The following KIF3B variants were observed in gnomAD, a reference collection of about 807,000 sequenced individuals.
KIF3B encodes kinesin family member 3B.
Under a neutral mutation model 74.3 loss-of-function variants are expected in KIF3B, and 38 were observed. The ratio of observed to expected loss-of-function variants is 0.51; its 90% CI spans 0.39 to 0.67. KIF3B has a LOEUF of 0.67. Ranked by LOEUF, KIF3B falls within the 30% of genes least tolerant of loss-of-function variation. The pLI is 0.00. For missense variants in KIF3B, 649 were observed against 932.0 expected (o/e 0.70, Z 3.95); for synonymous variants, 326 against 342.5 (o/e 0.95, Z 0.53).
chr20:32,327,989 T>A (rs568963359), intron 7 of KIF3B, among the ~76,000 whole-genome samples: 1 of 151,748 alleles, frequency 6.6e-6, no homozygotes, highest in Non-Finnish European at 1.5e-5. Flanking sequence ...TAGTCCCAGC[T>A]ACTTGGGAGG....
chr20:32,297,585 A>G (rs1484934756), intron 1 of KIF3B, among the ~76,000 whole-genome samples: 3 of 152,164 alleles, frequency 2.0e-5, no homozygotes, highest in Non-Finnish European at 4.4e-5. Flanking sequence ...ATTTAAAAAG[A>G]TGGGCTAGTA....
At chr20:32,289,995 C>G (rs946992330) in intron 1 of KIF3B, among the ~76,000 whole-genome samples, 1 of 152,134 alleles carries the variant, frequency 6.6e-6, no homozygotes, top group Admixed American at 6.6e-5. Flanking sequence ...TGCCTGTCTT[C>G]TTCTAGTCCT....
chr20:32,308,242 A>G (rs535902966), intron 1 of KIF3B, among the ~76,000 whole-genome samples: 3 of 152,106 alleles, frequency 2.0e-5, no homozygotes, highest in Non-Finnish European at 4.4e-5. Context: ...TCTCAAATTA[A>G]AAAAAGGGTT....
In KIF3B at chr20:32,332,982, C is replaced by T. The variant is rs952932250; in HGVS notation, c.*1663C>T. The T allele has an allele frequency of 1.3e-5, 2 of 152,678 alleles. No homozygotes were observed. Among genetic ancestry groups the T allele is most frequent in the South Asian group, 2.1e-4 (1 of 4,830 alleles). 9.5% of individuals were successfully genotyped at this position (152,678 alleles called of 1,614,324 possible). A position where few individuals can be genotyped will look rare whatever the true frequency, so the allele number is the denominator to read the frequency against. On this transcript the variant is annotated 3_prime_UTR_variant, in exon 9 of 9. Coordinates refer to ENST00000375712, the MANE Select transcript of KIF3B (RefSeq NM_004798.4). ...TGAGTTATATTTTAACTCAGCTGCTCAGTTCCCAGGGCACATTTCTGGATC... is the reference window on the plus strand; with the variant it reads ...TGAGTTATATTTTAACTCAGCTGCTTAGTTCCCAGGGCACATTTCTGGATC...
At chr20:32,282,969 C>T (rs545152223) in intron 1 of KIF3B, among the ~76,000 whole-genome samples, 20 of 152,180 alleles carry the variant, frequency 1.3e-4, no homozygotes, top group Admixed American at 3.3e-4. Context: ...CAGGGTTGTA[C>T]ATTCAACATT....
chr20:32,320,988 A>G (rs2047857049), intron 5 of KIF3B, among the ~76,000 whole-genome samples: 1 of 152,052 alleles, frequency 6.6e-6, no homozygotes, highest in Non-Finnish European at 1.5e-5. Flanking sequence ...TAGGTCTTAC[A>G]TTTAGGTCTA....
At chr20:32,306,853 A>G (rs1359388080) in intron 1 of KIF3B, among the ~76,000 whole-genome samples, 1 of 151,950 alleles carries the variant, frequency 6.6e-6, no homozygotes, top group Non-Finnish European at 1.5e-5. Flanking sequence ...TCAGCCTCCC[A>G]AAGTGCTGGG....
rs2047936214 is a variant in KIF3B at position 32,332,733 on chromosome 20, C to A, written c.*1414C>A. ...TGTCCATATGTGTCTGTAAGAGAGA[C>A]AGAGACCAAGAACTTGCCCAATTTT... On this transcript the variant is annotated 3_prime_UTR_variant, in exon 9 of 9. Coordinates refer to ENST00000375712, the MANE Select transcript of KIF3B (RefSeq NM_004798.4). The A allele has an allele frequency of 6.6e-6, 1 of 152,316 alleles. No individual in the cohort carries two copies. The highest frequency in any genetic ancestry group is 1.5e-5 in the Non-Finnish European group (1 of 68,048). 9.4% of individuals were successfully genotyped at this position (152,316 alleles called of 1,614,324 possible). A position where few individuals can be genotyped will look rare whatever the true frequency, so the allele number is the denominator to read the frequency against.
intron 1 of KIF3B, among the ~76,000 whole-genome samples, chr20:32,297,829 C>T (rs951793374): frequency 7.9e-5 from 12 of 151,778 alleles, no homozygotes; most frequent in Non-Finnish European, 1.0e-4. Context: ...ATTGTTAGGC[C>T]GGGTGCTGTG....
At chr20:32,295,949 C>G (rs2047714940) in intron 1 of KIF3B, among the ~76,000 whole-genome samples, 1 of 146,674 alleles carries the variant, frequency 6.8e-6, no homozygotes, top group Admixed American at 7.0e-5. Context: ...ACTGCAACCT[C>G]TGCCTCCCGG....
intron 1 of KIF3B, among the ~76,000 whole-genome samples, chr20:32,284,151 C>G (rs2047656917): frequency 6.6e-6 from 1 of 151,156 alleles, no homozygotes; most frequent in Non-Finnish European, 1.5e-5. Flanking sequence ...ATGTTACAGG[C>G]TAGTCTCAAA....
intron 1 of KIF3B, among the ~76,000 whole-genome samples, chr20:32,289,569 A>T (rs1399026636): frequency 6.6e-6 from 1 of 152,186 alleles, no homozygotes; most frequent in African/African-American, 2.4e-5. Flanking sequence ...GATAAGCTAC[A>T]GTATTTAGCT....
intron 1 of KIF3B, among the ~76,000 whole-genome samples, chr20:32,291,608 G>A (rs1422773418): frequency 7.2e-6 from 1 of 139,518 alleles, no homozygotes; most frequent in African/African-American, 2.7e-5. Context: ...TTCCTTGATT[G>A]TCTTATACAT....
intron 5 of KIF3B, among the ~76,000 whole-genome samples, chr20:32,320,842 A>C (rs2047856436): frequency 6.6e-6 from 1 of 152,098 alleles, no homozygotes; most frequent in African/African-American, 2.4e-5. Context: ...TTATTTATCC[A>C]TTCATTATTT....
chr20:32,323,054 TTATATTTATATATATTTA>T (rs1569208472), intron 5 of KIF3B, among the ~76,000 whole-genome samples: 7 of 68,440 alleles, frequency 1.0e-4, no homozygotes, highest in African/African-American at 7.7e-4. Flanking sequence ...TTATATATAT[TTATATTTATATATATTTA>T]TATATTTATA....
At chr20:32,279,487 C>T (rs1246790194) in intron 1 of KIF3B, among the ~76,000 whole-genome samples, 3 of 144,900 alleles carry the variant, frequency 2.1e-5, no homozygotes, top group Non-Finnish European at 3.0e-5. Context: ...TTTTTTGAGA[C>T]GGAGTTTTGC....
intron 1 of KIF3B, among the ~76,000 whole-genome samples, chr20:32,284,671 C>T (rs1157808383): frequency 6.6e-6 from 1 of 152,088 alleles, no homozygotes; most frequent in Non-Finnish European, 1.5e-5. Context: ...AATAACAAGG[C>T]CCAGATCTAA....
At chr20:32,279,103 A>G (rs939834536) in intron 1 of KIF3B, among the ~76,000 whole-genome samples, 4 of 151,842 alleles carry the variant, frequency 2.6e-5, no homozygotes, top group Non-Finnish European at 4.4e-5. Context: ...TTGTAGTTTT[A>G]GTAGAGACAA....
chr20:32,311,133 C>T lies in KIF3B; in HGVS notation c.1356C>T (p.Asp452=), dbSNP rs770812382. The T allele has an allele frequency of 1.2e-6, 2 of 1,613,106 alleles. No individual in the cohort carries two copies. Among genetic ancestry groups the T allele is most frequent in the Non-Finnish European group, 1.7e-6 (2 of 1,179,722 alleles). ...LLKEKEKKME[D]LRREKDAAEM... is the part of the protein sequence containing the mutation. ...AGGAGAAAGAGAAAAAGATGGAGGACCTGCGGCGGGAGAAGGATGCTGCCG... is the reference window on the plus strand; with the variant it reads ...AGGAGAAAGAGAAAAAGATGGAGGATCTGCGGCGGGAGAAGGATGCTGCCG... The change falls in exon 2 of 9, where the codon GAC becomes GAT. Residue 452 remains aspartate (D), a synonymous_variant. Transcript: ENST00000375712.
Sources: gnomAD v4.1 joint callset for allele counts (sites outside exome capture counted in the v4.1 genomes callset) on GRCh38, gnomAD v4.1.1 for gene constraint, MANE v1.5 for transcripts, NCBI Gene and HGNC (gene_info 2026-07-23, HGNC 2026-07-21) for gene names.